The following MRPL35 variants were observed in gnomAD, a reference collection of about 807,000 sequenced individuals.
MRPL35 encodes the protein large ribosomal subunit protein bL35m.
MRPL35 carries 18 observed loss-of-function variants against 21.6 expected under a neutral mutation model. The observed-to-expected ratio is 0.83, with a 90% CI of 0.58 to 1.24. The LOEUF (loss-of-function observed/expected upper bound fraction) is 1.24. Among genes scored for constraint, MRPL35 ranks in the 50% most tolerant of loss-of-function variants. MRPL35 has a pLI of 0.00. For missense variants in MRPL35, 223 were observed against 223.2 expected (o/e 1.00, Z 0.01); for synonymous variants, 87 against 86.9 (o/e 1.00, Z -0.01).
chr2:86,207,305 G>T lies in MRPL35; in HGVS notation c.356G>T (p.Cys119Phe). The T allele has an allele frequency of 6.2e-7, 1 of 1,613,524 alleles. No homozygotes were observed. The highest frequency in any genetic ancestry group is 8.5e-7 in the Non-Finnish European group (1 of 1,179,718). ...AVIDRFLRLHCGLWVRRKAGY... is the reference protein window; with the variant it reads ...AVIDRFLRLHFGLWVRRKAGY... ...ATCGATAGGTTTCTTCGACTTCATT[G>T]TGGCCTTTGGGTGAGGAGAAAGGTG... is the stretch of plus-strand genomic sequence containing the variant. The change falls in exon 3 of 4, where the codon TGT (cysteine) becomes TTT (phenylalanine). Residue 119 changes from cysteine (C) to phenylalanine (F), a missense_variant. Physicochemically the swap from Cys to Phe is radical, Grantham distance 205 (BLOSUM62 -2). Transcript: ENST00000337109.
At chr2:86,205,847 A>G (rs1013722056) in intron 1 of MRPL35, among the ~76,000 whole-genome samples, 1 of 152,234 alleles carries the variant, frequency 6.6e-6, no homozygotes, top group Non-Finnish European at 1.5e-5. Context: ...CTGGACATAG[A>G]GCTAGCAGAC....
chr2:86,207,342 T>A lies in MRPL35; in HGVS notation c.378+15T>A, dbSNP rs757119107. 7.9e-5 allele frequency: 127 copies of A among 1,600,292 alleles called. 3 individuals are homozygous for A. The South Asian group carries it at 1.4e-3, about 18-fold the overall frequency. On this transcript the variant is annotated intron_variant, in intron 3 of 3. Transcript: ENST00000337109. ...TGAGGAGAAAGGTGAGTCTTCACAC[T>A]GTTACTAAATTGAAAAAGGAATGTG...
chr2:86,212,585 G>A lies in MRPL35; in HGVS notation c.*1917G>A. Reference sequence around the variant, plus strand: ...TCCATGATGTCTTTATTGCAAATATGGATGACAAGGGTCTCTGTTACAGGG... The same window carrying A: ...TCCATGATGTCTTTATTGCAAATATAGATGACAAGGGTCTCTGTTACAGGG... On this transcript the variant is annotated 3_prime_UTR_variant, in exon 4 of 4. Transcript: ENST00000337109. 2.0e-6 allele frequency: 3 copies of A among 1,477,152 alleles called. No homozygotes were observed. The highest frequency in any genetic ancestry group is 2.7e-6 in the Non-Finnish European group (3 of 1,115,494). The allele number at this position is 1,477,152 out of a possible 1,614,324, so 91.5% of individuals were successfully genotyped here. A position where few individuals can be genotyped will look rare whatever the true frequency, so the allele number is the denominator to read the frequency against.
intron 1 of MRPL35, among the ~76,000 whole-genome samples, chr2:86,204,117 TG>T (rs890067307): frequency 3.9e-5 from 6 of 152,062 alleles, no homozygotes; most frequent in Non-Finnish European, 5.9e-5. Context: ...CCTGAGTAGC[TG>T]GGATTATAGG....
In MRPL35 at chr2:86,210,872, G is replaced by T; in HGVS notation, c.*204G>T. 8.0e-7 allele frequency: 1 copy of T among 1,252,540 alleles called. No individual in the cohort carries two copies. The highest frequency in any genetic ancestry group is 1.5e-5 in the African/African-American group (1 of 66,102). 77.6% of individuals were successfully genotyped at this position (1,252,540 alleles called of 1,614,324 possible). ...GTTAGGGAAACAGAAATTTAGAATG[G>T]TGCATTATTTTTAACAAATGGTATT... On this transcript the variant is annotated 3_prime_UTR_variant, in exon 4 of 4. Transcript: ENST00000337109.
chr2:86,201,783 T>C (rs1380972506), intron 1 of MRPL35, among the ~76,000 whole-genome samples: 3 of 152,226 alleles, frequency 2.0e-5, no homozygotes, highest in Admixed American at 6.5e-5. Context: ...TCTTGAAGAC[T>C]CCTGGTTTCG....
chr2:86,207,899 T>C, intron 3 of MRPL35, among the ~76,000 whole-genome samples: 1 of 152,198 alleles, frequency 6.6e-6, no homozygotes, highest in Admixed American at 6.5e-5. Flanking sequence ...ACAGCAAGAC[T>C]TCATCTCAAA....
chr2:86,213,734 G>C lies in MRPL35; in HGVS notation c.*3066G>C. The stretch of plus-strand genomic sequence containing the variant: ...ACCAGTGGACTATTCTATTTTCACA[G>C]CTACCTAGTTTCTGCCGATGATTTT... On this transcript the variant is annotated 3_prime_UTR_variant, in exon 4 of 4. Coordinates refer to ENST00000337109, the MANE Select transcript of MRPL35 (RefSeq NM_016622.4). The C allele has an allele frequency of 6.8e-7, 1 of 1,479,876 alleles. No homozygotes were observed. The highest frequency in any genetic ancestry group is 1.4e-5 in the African/African-American group (1 of 71,364). 91.7% of individuals were successfully genotyped at this position (1,479,876 alleles called of 1,614,324 possible).
intron 1 of MRPL35, among the ~76,000 whole-genome samples, chr2:86,201,095 A>C (rs7563742): frequency 0.41 from 62,101 of 152,062 alleles, 13,809 homozygotes; most frequent in Non-Finnish European, 0.51. Flanking sequence ...ATGTGTGAAA[A>C]TCGCTGTGGA....
chr2:86,212,631 C>T lies in MRPL35; in HGVS notation c.*1963C>T, dbSNP rs371726836. On this transcript the variant is annotated 3_prime_UTR_variant, in exon 4 of 4. Coordinates refer to ENST00000337109, the MANE Select transcript of MRPL35 (RefSeq NM_016622.4). ...CAGGGGCCTCAGAGCACCTTCGTTT[C>T]TCCTCTAGACCAGGGACAGGTGTAG... The T allele has an allele frequency of 2.3e-5, 32 of 1,376,472 alleles. No homozygotes were observed. Among genetic ancestry groups the T allele is most frequent in the African/African-American group, 7.4e-5 (5 of 67,420 alleles). The allele number at this position is 1,376,472 out of a possible 1,614,324, so 85.3% of individuals were successfully genotyped here.
In MRPL35 at chr2:86,211,520, C is replaced by G. The variant is rs1027896775; in HGVS notation, c.*852C>G. ...GGCAGCACACTTAACATCTAACACA[C>G]CAGGTTCATTGTGTTCATAACACTT... On this transcript the variant is annotated 3_prime_UTR_variant, in exon 4 of 4. Transcript: ENST00000337109. 2.0e-6 allele frequency: 2 copies of G among 985,420 alleles called. No individual in the cohort carries two copies. Among genetic ancestry groups the G allele is most frequent in the Non-Finnish European group, 2.4e-6 (2 of 829,926 alleles). 61.0% of individuals were successfully genotyped at this position (985,420 alleles called of 1,614,324 possible). A position where few individuals can be genotyped will look rare whatever the true frequency, so the allele number is the denominator to read the frequency against.
In MRPL35 at chr2:86,212,127, C is replaced by A; in HGVS notation, c.*1459C>A. 1 of 1,226,586 alleles carries A rather than the reference C, an allele frequency of 8.2e-7. No homozygotes were observed. The highest frequency in any genetic ancestry group is 1.0e-6 in the Non-Finnish European group (1 of 979,776). The allele number at this position is 1,226,586 out of a possible 1,614,324, so 76.0% of individuals were successfully genotyped here. On this transcript the variant is annotated 3_prime_UTR_variant, in exon 4 of 4. Coordinates refer to ENST00000337109, the MANE Select transcript of MRPL35 (RefSeq NM_016622.4). ...TTATGCATGAATTACTGTTTCAGATCCTTTAATGTGGTAGTTGGTAATAAT... is the reference window on the plus strand; with the variant it reads ...TTATGCATGAATTACTGTTTCAGATACTTTAATGTGGTAGTTGGTAATAAT...
chr2:86,207,784 A>G (rs1451289128), intron 3 of MRPL35, among the ~76,000 whole-genome samples: 2 of 152,090 alleles, frequency 1.3e-5, no homozygotes, highest in Non-Finnish European at 1.5e-5. Flanking sequence ...GCAGGTGCCT[A>G]TAATCCCAGC....
rs1211380862 is a variant in MRPL35 at position 86,207,318 on chromosome 2, G to A, written c.369G>A (p.Val123=). ...TTCGACTTCATTGTGGCCTTTGGGTGAGGAGAAAGGTGAGTCTTCACACTG... is the reference window on the plus strand; with the variant it reads ...TTCGACTTCATTGTGGCCTTTGGGTAAGGAGAAAGGTGAGTCTTCACACTG... ...RFLRLHCGLW[V]RRKAGYKKKL... Residue 123 remains valine, a synonymous_variant, in exon 3 of 4, where the codon GTG becomes GTA. Coordinates refer to ENST00000337109, the MANE Select transcript of MRPL35 (RefSeq NM_016622.4). The A allele has an allele frequency of 1.2e-6, 2 of 1,611,718 alleles. No homozygotes were observed. Among genetic ancestry groups the A allele is most frequent in the Non-Finnish European group, 1.7e-6 (2 of 1,179,214 alleles).
In MRPL35 at chr2:86,210,673, G is replaced by C. The variant is rs1355113863; in HGVS notation, c.*5G>C. ...CGAACAAACCTGAAAGTATAGATCA[G>C]AAGTTTCACTTGTTTCTCAGTTATT... is the stretch of plus-strand genomic sequence containing the variant. On this transcript the variant is annotated 3_prime_UTR_variant, in exon 4 of 4. Coordinates refer to ENST00000337109, the MANE Select transcript of MRPL35 (RefSeq NM_016622.4). 1 of 1,596,634 alleles carries C rather than the reference G, an allele frequency of 6.3e-7. No individual in the cohort carries two copies. The highest frequency in any genetic ancestry group is 1.1e-5 in the South Asian group (1 of 88,826).
rs1046071730 is a variant in MRPL35 at position 86,212,532 on chromosome 2, T to C, written c.*1864T>C. The C allele has an allele frequency of 1.5e-4, 237 of 1,596,116 alleles. No homozygotes were observed. In the African/African-American group the frequency reaches 1.9e-3, roughly 13 times the overall value. ...GAGATGGAAATGGTGCCTGCAGAAG[T>C]TGGGGAGAAGGATACTTTTGCACAG... On this transcript the variant is annotated 3_prime_UTR_variant, in exon 4 of 4. Coordinates refer to ENST00000337109, the MANE Select transcript of MRPL35 (RefSeq NM_016622.4).
intron 3 of MRPL35, among the ~76,000 whole-genome samples, chr2:86,208,859 G>A (rs1021163257): frequency 2.0e-5 from 3 of 152,126 alleles, no homozygotes; most frequent in Admixed American, 6.5e-5. Context: ...AAAAATCTGG[G>A]TAGATGAATT....
rs369952992 is a variant in MRPL35, at chr2:86,212,339, C to T, written c.*1671C>T. 107 of 1,607,136 alleles carry T rather than the reference C, an allele frequency of 6.7e-5. No homozygotes were observed. Among genetic ancestry groups the T allele is most frequent in the Non-Finnish European group, 8.3e-5 (98 of 1,176,852 alleles). On this transcript the variant is annotated 3_prime_UTR_variant, in exon 4 of 4. Coordinates refer to ENST00000337109, the MANE Select transcript of MRPL35 (RefSeq NM_016622.4). ...ACTTATGGGACCAATAAATAAAGAACAGACATTTGATTTGAGGTGAGGTAA... is the reference window on the plus strand; with the variant it reads ...ACTTATGGGACCAATAAATAAAGAATAGACATTTGATTTGAGGTGAGGTAA...
In MRPL35 at chr2:86,207,218, C is replaced by T; in HGVS notation, c.269C>T (p.Pro90Leu). ...GTGCTTCCAAGTGTCCTGAAGCTGC[C>T]AGTCAGATCTCTAACATACTTCAGT... The part of the protein sequence containing the change: ...APVLPSVLKL[P>L]VRSLTYFSAR... Residue 90 changes from proline (P) to leucine (L), a missense_variant, in exon 3 of 4, where the codon CCA (proline) becomes CTA (leucine). By Grantham distance (98) the Pro-to-Leu change is moderately conservative. Transcript: ENST00000337109. The T allele has an allele frequency of 6.2e-7, 1 of 1,613,584 alleles. No individual in the cohort carries two copies. Among genetic ancestry groups the T allele is most frequent in the Non-Finnish European group, 8.5e-7 (1 of 1,179,716 alleles).
Sources: gnomAD v4.1 joint callset for allele counts (sites outside exome capture counted in the v4.1 genomes callset) on GRCh38, gnomAD v4.1.1 for gene constraint, MANE v1.5 for transcripts, NCBI Gene and HGNC (gene_info 2026-07-23, HGNC 2026-07-21) for gene names.